Variants in LRRC14 observed in about 807,000 individuals in gnomAD.
The protein encoded by LRRC14 is leucine rich repeat containing 14, also known as leucine-rich repeat-containing protein 14.
A neutral mutation model predicts 25.3 loss-of-function variants in LRRC14; 16 were observed. The observed-to-expected ratio is 0.63, with a 90% confidence interval of 0.43 to 0.96. The LOEUF is 0.96. LRRC14 is among the 40% of genes least tolerant of loss of function. The probability of loss-of-function intolerance (pLI) is 0.00; values close to 1 mark genes in which losing one functional copy is unlikely to be tolerated. For synonymous variants in LRRC14, 359 were observed against 295.1 expected, an observed-to-expected ratio of 1.22 and a Z score of -2.22; for missense variants, 594 against 660.5, an observed-to-expected ratio of 0.90 and a Z score of 1.10.
rs964413800 is a variant in LRRC14, at chr8:144,522,322, T to A, written c.*844T>A. On this transcript the variant is annotated 3_prime_UTR_variant, in exon 4 of 4. Transcript: ENST00000292524. ...TTGGGGCCTCCCCGGCCACCTTCCA[T>A]TGCTACCCCAGGATTCCCGAGTGCA... The A allele has an allele frequency of 5.8e-6, 7 of 1,199,186 alleles. No homozygotes were observed. In the African/African-American group the frequency reaches 1.1e-4, roughly 19 times the overall value. The allele number at this position is 1,199,186 out of a possible 1,614,324, so 74.3% of individuals were successfully genotyped here.
In LRRC14 at chr8:144,523,678, G is replaced by C; in HGVS notation, c.*2200G>C. 2.2e-6 allele frequency: 1 copy of C among 450,078 alleles called. No homozygotes were observed. The highest frequency in any genetic ancestry group is 3.8e-6 in the Non-Finnish European group (1 of 262,394). 27.9% of individuals were successfully genotyped at this position (450,078 alleles called of 1,614,324 possible). On this transcript the variant is annotated 3_prime_UTR_variant, in exon 4 of 4. Coordinates refer to ENST00000292524, the MANE Select transcript of LRRC14 (RefSeq NM_014665.4). ...CTCTGAGAAAGCACCTGCTCCTTAA[G>C]TCTTCCTGCAACAAGTGCCACTGTT...
Position 144,520,244 on chromosome 8 carries a change from T to C in LRRC14, c.336T>C (p.His112=), listed in dbSNP as rs141246549. 4.4e-6 allele frequency: 7 copies of C among 1,607,890 alleles called. No homozygotes were observed. Among genetic ancestry groups the C allele is most frequent in the African/African-American group, 2.7e-5 (2 of 74,924 alleles). Residue 112 remains histidine, a synonymous_variant, in exon 3 of 4, where the codon CAT becomes CAC. Transcript: ENST00000292524. ...GASTQPLCRK[H]ALRVLDMTGL... ...ACACCATTCCTACTCCCAGGAAGCA[T>C]GCGCTGCGGGTGCTGGACATGACGG...
rs902452957 is a variant in LRRC14, at chr8:144,523,690, C to G, written c.*2212C>G. On this transcript the variant is annotated 3_prime_UTR_variant, in exon 4 of 4. Coordinates refer to ENST00000292524, the MANE Select transcript of LRRC14 (RefSeq NM_014665.4). ...ACCTGCTCCTTAAGTCTTCCTGCAA[C>G]AAGTGCCACTGTTTTTAGGAACCTG... 4.6e-6 allele frequency: 2 copies of G among 434,194 alleles called. No individual in the cohort carries two copies. The highest frequency in any genetic ancestry group is 8.0e-6 in the Non-Finnish European group (2 of 250,192). 26.9% of individuals were successfully genotyped at this position (434,194 alleles called of 1,614,324 possible). A position where few individuals can be genotyped will look rare whatever the true frequency, so the allele number is the denominator to read the frequency against.
Position 144,521,524 on chromosome 8 carries a change from G to C in LRRC14, c.*46G>C, listed in dbSNP as rs1477535090. 4 of 1,537,836 alleles carry C rather than the reference G, an allele frequency of 2.6e-6. No individual in the cohort carries two copies. The South Asian group carries it at 4.8e-5, about 18-fold the overall frequency. Reference sequence around the variant, plus strand: ...CACAGGCCGCCCTGCAGTCTCTTTAGGTAGGCAGGGCCTTTGCTGGGACCC... The same window carrying C: ...CACAGGCCGCCCTGCAGTCTCTTTACGTAGGCAGGGCCTTTGCTGGGACCC... On this transcript the variant is annotated 3_prime_UTR_variant, in exon 4 of 4. Transcript: ENST00000292524.
At position 144,520,043 on chromosome 8, in the gene LRRC14, G is replaced by C; in HGVS notation, c.318G>C (p.Gln106His). The C allele has an allele frequency of 6.2e-7, 1 of 1,604,728 alleles. No individual in the cohort carries two copies. Among genetic ancestry groups the C allele is most frequent in the Non-Finnish European group, 8.5e-7 (1 of 1,177,584 alleles). Residue 106 changes from glutamine to histidine, a missense_variant, in exon 2 of 4, where the codon CAG (glutamine) becomes CAC (histidine). Coordinates refer to ENST00000292524, the MANE Select transcript of LRRC14 (RefSeq NM_014665.4). ...CCTCAGAGCCTGGGGCCAGCACACA[G>C]CCCCTCTGCAGGTATGGACTTATCT... is the stretch of plus-strand genomic sequence containing the variant. The part of the protein sequence containing the change: ...LHTSEPGAST[Q>H]PLCRKHALRV...
At position 144,521,321 on chromosome 8, in the gene LRRC14, C is replaced by T. The variant is rs577816867; in HGVS notation, c.1325C>T (p.Pro442Leu). 72 of 1,612,868 alleles carry T rather than the reference C, an allele frequency of 4.5e-5. 1 individual carries two copies. Among genetic ancestry groups the T allele is most frequent in the South Asian group, 8.8e-5 (8 of 91,092 alleles). Reference protein sequence around the residue: ...VDCYEGLPWPPPASVLLEASI... With the variant: ...VDCYEGLPWPLPASVLLEASI... ...TGCTATGAGGGCTTGCCCTGGCCGCCGCCTGCCTCTGTCCTGCTGGAGGCC... is the reference window on the plus strand; with the variant it reads ...TGCTATGAGGGCTTGCCCTGGCCGCTGCCTGCCTCTGTCCTGCTGGAGGCC... The change falls in exon 4 of 4, where the codon CCG becomes CTG. Residue 442 changes from proline (P) to leucine (L), a missense_variant. By Grantham distance (98) the Pro-to-Leu change is moderately conservative. Coordinates refer to ENST00000292524, the MANE Select transcript of LRRC14 (RefSeq NM_014665.4).
chr8:144,524,403 A>C lies in LRRC14; in HGVS notation c.*2925A>C, dbSNP rs749800310. ...CCAGCCCTACAGGGCGAGGGGCCAT[A>C]ATGGAGTATCCCGCCCCTTTAGACC... On this transcript the variant is annotated 3_prime_UTR_variant, in exon 4 of 4. Transcript: ENST00000292524. 6.3e-7 allele frequency: 1 copy of C among 1,595,594 alleles called. No individual in the cohort carries two copies. Among genetic ancestry groups the C allele is most frequent in the Non-Finnish European group, 8.5e-7 (1 of 1,178,324 alleles).
chr8:144,520,900 G>A lies in LRRC14; in HGVS notation c.915-11G>A. 2 of 1,603,424 alleles carry A rather than the reference G, an allele frequency of 1.2e-6. No homozygotes were observed. Among genetic ancestry groups the A allele is most frequent in the East Asian group, 2.2e-5 (1 of 44,756 alleles). On this transcript the variant is annotated splice_polypyrimidine_tract_variant and intron_variant, in intron 3 of 3. Coordinates refer to ENST00000292524, the MANE Select transcript of LRRC14 (RefSeq NM_014665.4). ...GGCTCTGCCTGTCTGTGACCCCTGT[G>A]TCCCCTGTAGCACCCTGCAGAGCCC...
In LRRC14 at chr8:144,523,800, C is replaced by T. The variant is rs1586855336; in HGVS notation, c.*2322C>T. 1.8e-5 allele frequency: 8 copies of T among 451,888 alleles called. No homozygotes were observed. The East Asian group carries it at 3.0e-4, about 17-fold the overall frequency. 28.0% of individuals were successfully genotyped at this position (451,888 alleles called of 1,614,324 possible). A position where few individuals can be genotyped will look rare whatever the true frequency, so the allele number is the denominator to read the frequency against. ...TTGGATGCCCTCTCTTGGGAATGTC[C>T]CCAGTCCTGGTCAGCTGTCTCTCTC... On this transcript the variant is annotated 3_prime_UTR_variant, in exon 4 of 4. Coordinates refer to ENST00000292524, the MANE Select transcript of LRRC14 (RefSeq NM_014665.4).
rs761785047 is a variant in LRRC14 at position 144,520,008 on chromosome 8, C to T, written c.283C>T (p.Arg95Trp). Residue 95 changes from arginine to tryptophan, a missense_variant, in exon 2 of 4, where the codon CGG becomes TGG. Coordinates refer to ENST00000292524, the MANE Select transcript of LRRC14 (RefSeq NM_014665.4). ...MQAVILGLTA[R>W]LHTSEPGAST... The stretch of plus-strand genomic sequence containing the variant: ...GGCTGTTATCCTGGGGCTGACTGCC[C>T]GGCTCCACACCTCAGAGCCTGGGGC... 43 of 1,610,850 alleles carry T rather than the reference C, an allele frequency of 2.7e-5. No homozygotes were observed. Among genetic ancestry groups the T allele is most frequent in the East Asian group, 8.9e-5 (4 of 44,880 alleles).
In LRRC14 at chr8:144,524,364, C is replaced by A; in HGVS notation, c.*2886C>A. The A allele has an allele frequency of 1.3e-6, 2 of 1,594,350 alleles. No individual in the cohort carries two copies. The highest frequency in any genetic ancestry group is 1.7e-6 in the Non-Finnish European group (2 of 1,176,842). On this transcript the variant is annotated 3_prime_UTR_variant, in exon 4 of 4. Coordinates refer to ENST00000292524, the MANE Select transcript of LRRC14 (RefSeq NM_014665.4). ...TTCTTACCAAGCTAGACTGGGTTGCCTTTTCTAACTATTCCAGCCCTACAG... is the reference window on the plus strand; with the variant it reads ...TTCTTACCAAGCTAGACTGGGTTGCATTTTCTAACTATTCCAGCCCTACAG...
In LRRC14 at chr8:144,522,034, GT is replaced by G. The variant is rs150943909; in HGVS notation, c.*565del. On this transcript the variant is annotated 3_prime_UTR_variant, in exon 4 of 4. Coordinates refer to ENST00000292524, the MANE Select transcript of LRRC14 (RefSeq NM_014665.4). Reference sequence around the variant, plus strand: ...GTGCCTGGAAGTTGAATTTGTGGCTGTTTTTTTTTCTGTCCACGTTGGTCAC... The same window carrying G: ...GTGCCTGGAAGTTGAATTTGTGGCTGTTTTTTTTCTGTCCACGTTGGTCAC... 6.7e-5 allele frequency: 12 copies of G among 178,876 alleles called. No homozygotes were observed. The highest frequency in any genetic ancestry group is 1.8e-4 in the South Asian group (1 of 5,678). The allele number at this position is 178,876 out of a possible 1,614,324, so 11.1% of individuals were successfully genotyped here.
rs1229148120 is a variant in LRRC14, at chr8:144,524,571, A to G, written c.*3093A>G. 6.4e-7 allele frequency: 1 copy of G among 1,558,520 alleles called. No homozygotes were observed. The highest frequency in any genetic ancestry group is 8.6e-7 in the Non-Finnish European group (1 of 1,161,252). On this transcript the variant is annotated 3_prime_UTR_variant, in exon 4 of 4. Coordinates refer to ENST00000292524, the MANE Select transcript of LRRC14 (RefSeq NM_014665.4). ...GCGCAGCCGGTTGCTAGTGAGCGCC[A>G]GCTCCAGCAGGCGCGGCTGCGCGCG...
chr8:144,521,102 A>T lies in LRRC14; in HGVS notation c.1106A>T (p.His369Leu). ...LLQASAATLL[H>L]LELTECQLAD... ...CAGGCATCAGCAGCCACACTGTTGC[A>T]TCTGGAGCTGACTGAGTGTCAGCTC... Residue 369 changes from histidine to leucine, a missense_variant, in exon 4 of 4, where the codon CAT (histidine) becomes CTT (leucine). By Grantham distance (99) the His-to-Leu change is moderately conservative. Transcript: ENST00000292524. 6.2e-7 allele frequency: 1 copy of T among 1,613,070 alleles called. No individual in the cohort carries two copies. Among genetic ancestry groups the T allele is most frequent in the Non-Finnish European group, 8.5e-7 (1 of 1,180,022 alleles).
At position 144,523,394 on chromosome 8, in the gene LRRC14, C is replaced by T; in HGVS notation, c.*1916C>T. ...ACCCAGCCAGTGCAGGGCGCAGTCA[C>T]AGCGCCATGGGTTCTCTGTGGGAGA... is the stretch of plus-strand genomic sequence containing the variant. On this transcript the variant is annotated 3_prime_UTR_variant, in exon 4 of 4. Coordinates refer to ENST00000292524, the MANE Select transcript of LRRC14 (RefSeq NM_014665.4). 3 of 1,539,752 alleles carry T rather than the reference C, an allele frequency of 1.9e-6. No homozygotes were observed. Among genetic ancestry groups the T allele is most frequent in the Non-Finnish European group, 2.6e-6 (3 of 1,142,998 alleles).
Position 144,524,961 on chromosome 8 carries a change from G to GC in LRRC14, c.*3486dup, listed in dbSNP as rs1816309298. 1 of 1,472,696 alleles carries GC rather than the reference G, an allele frequency of 6.8e-7. No homozygotes were observed. Among genetic ancestry groups the GC allele is most frequent in the Non-Finnish European group, 9.0e-7 (1 of 1,112,752 alleles). 91.2% of individuals were successfully genotyped at this position (1,472,696 alleles called of 1,614,324 possible). ...CAGCAGCAGCGGCAGCAGTGCGGGG[G>GC]CCCTCAGGGCCATCTCCCGAGGCCC... On this transcript the variant is annotated 3_prime_UTR_variant, in exon 4 of 4. Transcript: ENST00000292524.
Position 144,520,460 on chromosome 8 carries a change from A to G in LRRC14, c.552A>G (p.Ala184=). The change falls in exon 3 of 4, where the codon GCA becomes GCG. Residue 184 remains alanine (A), a synonymous_variant. Transcript: ENST00000292524. ...CCTCCTATGCGTTCCTGCGGGAGGCACTCCGAAGCAGCGTGGGCAGCCCGC... is the reference window on the plus strand; with the variant it reads ...CCTCCTATGCGTTCCTGCGGGAGGCGCTCCGAAGCAGCGTGGGCAGCCCGC... ...NRASYAFLRE[A]LRSSVGSPLR... 1 of 1,596,530 alleles carries G rather than the reference A, an allele frequency of 6.3e-7. No homozygotes were observed. The highest frequency in any genetic ancestry group is 8.5e-7 in the Non-Finnish European group (1 of 1,175,400).
intron 2 of LRRC14, 63 bp from the exon 3 acceptor site, chr8:144,520,175 G>A (rs2130770555): frequency 6.3e-7 from 1 of 1,577,900 alleles, no homozygotes; most frequent in East Asian, 2.2e-5. Context: ...CTGTCCCAAG[G>A]TGGCTGGGAG....
intron 1 of LRRC14, chr8:144,519,267 G>A (rs1463802954): frequency 4.9e-6 from 1 of 204,188 alleles, no homozygotes; most frequent in Non-Finnish European, 1.0e-5. Context: ...ACTCCTTAGA[G>A]TGTCCCGTCA....
Sources: allele counts gnomAD v4.1 joint callset, GRCh38; gene constraint gnomAD v4.1.1; transcripts MANE v1.5; gene names NCBI Gene and HGNC (gene_info 2026-07-23, HGNC 2026-07-21).